The following FBRSL1 variants were observed in gnomAD, a reference collection of about 807,000 sequenced individuals.
FBRSL1 encodes fibrosin like 1.
In FBRSL1, 51 loss-of-function variants were observed where a neutral mutation model predicts 89.6. That is an observed-to-expected ratio of 0.57 (90% CI 0.45 to 0.72). The LOEUF (loss-of-function observed/expected upper bound fraction) is 0.72, where lower values mean the gene tolerates loss of function less well. Among genes scored for constraint, FBRSL1 ranks in the 30% least tolerant of loss-of-function variants. The pLI, the probability that FBRSL1 is intolerant of heterozygous loss-of-function variation, is 0.00. For missense variants in FBRSL1, 1,618 were observed against 1,451.8 expected, an observed-to-expected ratio of 1.11 and a Z score of -1.86; for synonymous variants, 779 against 681.1, an observed-to-expected ratio of 1.14 and a Z score of -2.24.
chr12:132,544,138 C>T (rs2037488056), intron 4 of FBRSL1, among the ~76,000 whole-genome samples: 2 of 152,178 alleles, frequency 1.3e-5, no homozygotes, highest in South Asian at 2.1e-4. Context: ...CCCAGGCACC[C>T]GGGTTTAAGT....
intron 11 of FBRSL1, 23 bp downstream of exon 11, chr12:132,572,645 G>A: frequency 6.6e-7 from 1 of 1,518,486 alleles, no homozygotes; most frequent in Non-Finnish European, 8.9e-7. Flanking sequence ...CTGGCAGGTG[G>A]GGCGGGCACA....
chr12:132,541,347 G>GCGTCCTC (rs2037254098), intron 4 of FBRSL1, among the ~76,000 whole-genome samples: 1 of 152,202 alleles, frequency 6.6e-6, no homozygotes, highest in Non-Finnish European at 1.5e-5. Flanking sequence ...TCACCCTCAA[G>GCGTCCTC]TGCCAGATTT....
chr12:132,571,267 C>A, intron 9 of FBRSL1, 36 bp downstream of exon 9: 4 of 1,488,832 alleles, frequency 2.7e-6, no homozygotes, highest in Non-Finnish European at 3.6e-6. Flanking sequence ...GAGCCCGCGG[C>A]CAACGTGCCT....
chr12:132,510,747 C>T (rs149090596), intron 2 of FBRSL1: 7 of 1,193,800 alleles, frequency 5.9e-6, no homozygotes, highest in South Asian at 4.3e-5. Context: ...CGTCACAGTG[C>T]CCCCACCCGC....
At chr12:132,581,308 C>G in intron 15 of FBRSL1, 131 bp from the exon 16 acceptor site, 1 of 1,533,176 alleles carries the variant, frequency 6.5e-7, no homozygotes, top group Non-Finnish European at 8.8e-7. Flanking sequence ...CGCTTCACCC[C>G]TCAGGGCATG....
chr12:132,509,723 C>G, intron 2 of FBRSL1: 1 of 1,231,348 alleles, frequency 8.1e-7, no homozygotes, highest in Non-Finnish European at 1.0e-6. Flanking sequence ...GCTGCCGACC[C>G]CTGCGGCCGT....
chr12:132,561,940 G>C (rs1049537556), intron 5 of FBRSL1, among the ~76,000 whole-genome samples: 1 of 152,206 alleles, frequency 6.6e-6, no homozygotes, highest in African/African-American at 2.4e-5. Flanking sequence ...GGAGCACTTG[G>C]TGCTGGCACT....
chr12:132,527,896 C>T, intron 3 of FBRSL1, 57 bp from the exon 4 acceptor site: 2 of 1,522,506 alleles, frequency 1.3e-6, no homozygotes, highest in Middle Eastern at 1.7e-4. Context: ...CGGGTGCATC[C>T]CTGGGAGTTT....
At chr12:132,514,938 TAG>T (rs772531166) in intron 2 of FBRSL1, among the ~76,000 whole-genome samples, 2 of 152,306 alleles carry the variant, frequency 1.3e-5, no homozygotes, top group Middle Eastern at 6.8e-3. Context: ...CTTTTTTTTG[TAG>T]AGTCTGGGAA....
chr12:132,570,274 G>C (rs1593548233), intron 7 of FBRSL1, 33 bp downstream of exon 7: 3 of 1,505,232 alleles, frequency 2.0e-6, no homozygotes, highest in Non-Finnish European at 2.6e-6. Context: ...GGCCTGTGTG[G>C]TCTCAGGATG....
At chr12:132,534,573 G>A (rs2036559784) in intron 4 of FBRSL1, among the ~76,000 whole-genome samples, 1 of 152,260 alleles carries the variant, frequency 6.6e-6, no homozygotes, top group Non-Finnish European at 1.5e-5. Context: ...ACTTCCCGCA[G>A]CGGGCACGCG....
intron 5 of FBRSL1, among the ~76,000 whole-genome samples, chr12:132,564,138 A>ACG (rs2039391813): frequency 6.6e-6 from 1 of 152,172 alleles, no homozygotes; most frequent in African/African-American, 2.4e-5. Context: ...GCTGAGGCAG[A>ACG]CGCGCTCACT....
At chr12:132,514,072 C>T (rs1464238492) in intron 2 of FBRSL1, among the ~76,000 whole-genome samples, 1 of 152,254 alleles carries the variant, frequency 6.6e-6, no homozygotes, top group Non-Finnish European at 1.5e-5. Flanking sequence ...TCCCCGTTTG[C>T]TCATTCGGGA....
chr12:132,521,545 C>G (rs1357231186), intron 2 of FBRSL1, among the ~76,000 whole-genome samples: 1 of 152,196 alleles, frequency 6.6e-6, no homozygotes, highest in Non-Finnish European at 1.5e-5. Context: ...CTCACCCTCG[C>G]TCCCAGGCCT....
chr12:132,572,435 G>C, intron 10 of FBRSL1, 91 bp downstream of exon 10: 3 of 1,507,074 alleles, frequency 2.0e-6, no homozygotes, highest in South Asian at 2.4e-5. Flanking sequence ...GCCTGGCCTC[G>C]CCCCTGCTGC....
At position 132,525,790 on chromosome 12, in the gene FBRSL1, C is replaced by T. The variant is rs774984949; in HGVS notation, c.546C>T (p.Leu182=). ...GGGACAGTGACGACGACAGCGTCCT[C>T]GAAGCCACCAGCTCCCGGGACCCGC... is the stretch of plus-strand genomic sequence containing the variant. ...GDRDSDDDSV[L]EATSSRDPLS... is the part of the protein sequence containing the mutation. The change falls in exon 3 of 19, where the codon CTC becomes CTT. Residue 182 remains leucine, a synonymous_variant. Transcript: ENST00000680143. 33 of 1,549,728 alleles carry T rather than the reference C, an allele frequency of 2.1e-5. No homozygotes were observed. Among genetic ancestry groups the T allele is most frequent in the Admixed American group, 9.8e-5 (5 of 50,980 alleles).
Position 132,583,163 on chromosome 12 carries a change from G to A in FBRSL1, c.2394G>A (p.Ala798=), listed in dbSNP as rs1412871408. Residue 798 remains alanine, a synonymous_variant, in exon 19 of 19, where the codon GCG becomes GCA. Transcript: ENST00000680143. ...PAKEEAAKMP[A]RASPPHSKAA... is the part of the protein sequence containing the mutation. ...AGGAGGAGGCCGCCAAGATGCCCGCGCGCGCATCCCCGCCCCACAGCAAGG... is the reference window on the plus strand; with the variant it reads ...AGGAGGAGGCCGCCAAGATGCCCGCACGCGCATCCCCGCCCCACAGCAAGG... 1.4e-6 allele frequency: 2 copies of A among 1,461,464 alleles called. No homozygotes were observed. The highest frequency in any genetic ancestry group is 1.8e-6 in the Non-Finnish European group (2 of 1,110,834). The allele number at this position is 1,461,464 out of a possible 1,614,324, so 90.5% of individuals were successfully genotyped here.
At chr12:132,542,564 C>T (rs2037355813) in intron 4 of FBRSL1, among the ~76,000 whole-genome samples, 1 of 152,240 alleles carries the variant, frequency 6.6e-6, no homozygotes, top group Non-Finnish European at 1.5e-5. Context: ...TGCCTCAGCC[C>T]CTCTCCCACC....
chr12:132,544,294 GACCAT>G (rs1435502101), intron 4 of FBRSL1, among the ~76,000 whole-genome samples: 5 of 152,172 alleles, frequency 3.3e-5, no homozygotes, highest in Admixed American at 3.3e-4. Context: ...TAGGCTGGCA[GACCAT>G]GGTACAGGGA....
Sources: allele counts gnomAD v4.1 joint callset (sites outside exome capture counted in the v4.1 genomes callset), GRCh38; gene constraint gnomAD v4.1.1; transcripts MANE v1.5; gene names NCBI Gene and HGNC (gene_info 2026-07-23, HGNC 2026-07-21).